C4orf50: variants seen among roughly 807,000 people sequenced by gnomAD.
C4orf50 encodes uncharacterized protein C4orf50.
A neutral mutation model predicts 77.2 loss-of-function variants in C4orf50; 80 were observed. The ratio of observed to expected loss-of-function variants is 1.04; its 90% CI spans 0.87 to 1.25. The LOEUF (loss-of-function observed/expected upper bound fraction) is 1.25. Ranked by LOEUF, C4orf50 falls within the 50% of genes most tolerant of loss-of-function variation. The pLI is 0.00. For missense variants in C4orf50, 1,257 were observed against 1,152.9 expected, an observed-to-expected ratio of 1.09 and a Z score of -1.31; for synonymous variants, 532 against 465.3, an observed-to-expected ratio of 1.14 and a Z score of -1.84.
intron 24 of C4orf50, among the ~76,000 whole-genome samples, chr4:6,010,861 C>A (rs1205664141): frequency 6.6e-6 from 1 of 152,220 alleles, no homozygotes; most frequent in Non-Finnish European, 1.5e-5. Context: ...CAGATAGTGT[C>A]ATTTAAATAC....
chr4:5,988,662 G>A lies in C4orf50; in HGVS notation c.3384C>T (p.His1128=), dbSNP rs113587573. Residue 1128 remains histidine (H), a synonymous_variant, in exon 28 of 34, where the codon CAC becomes CAT. Coordinates refer to ENST00000531445, the Ensembl canonical transcript of C4orf50. ...TCACCTGCACCTCTTTGTCTAGAGCGTGCATCTTGGCTTTTCCCTGGAGGT... is the reference window on the plus strand; with the variant it reads ...TCACCTGCACCTCTTTGTCTAGAGCATGCATCTTGGCTTTTCCCTGGAGGT... 585 of 1,536,066 alleles carry A rather than the reference G, an allele frequency of 3.8e-4. 4 individuals are homozygous for A. The African/African-American group carries it at 5.9e-3, about 15-fold the overall frequency.
intron 7 of C4orf50, among the ~76,000 whole-genome samples, chr4:5,924,501 G>T (rs1481587646): frequency 6.6e-6 from 1 of 152,188 alleles, no homozygotes; most frequent in Non-Finnish European, 1.5e-5. Context: ...AGGCCAGACG[G>T]TTTGTTGGAG....
At position 6,018,373 on chromosome 4, in the gene C4orf50, G is replaced by A. The variant is rs1389962526; in HGVS notation, c.59C>T (p.Pro20Leu). 1 of 398,836 alleles carries A rather than the reference G, an allele frequency of 2.5e-6. No individual in the cohort carries two copies. The highest frequency in any genetic ancestry group is 4.4e-6 in the Non-Finnish European group (1 of 226,080). 24.7% of individuals were successfully genotyped at this position (398,836 alleles called of 1,614,324 possible). A position where few individuals can be genotyped will look rare whatever the true frequency, so the allele number is the denominator to read the frequency against. ...CATTATGTCGAACCCCTCACTGCTG[G>A]GGGCTCTGATGACGTAGCTGAAACT... Residue 20 changes from proline (P) to leucine (L), a missense_variant, in exon 23 of 34, where the codon CCC (proline) becomes CTC (leucine). Coordinates refer to ENST00000531445, the Ensembl canonical transcript of C4orf50. The surrounding 1 kb of genome is among the most constrained non-coding windows in gnomAD (Gnocchi z 5.1).
At position 5,970,955 on chromosome 4, in the gene C4orf50, G is replaced by A. The variant is rs989096800; in HGVS notation, c.4104+2704C>T. 1.3e-5 allele frequency among the ~76,000 whole-genome samples: 2 copies of A among 152,132 alleles called. No homozygotes were observed. ...CCATGACTTGGCTGGATAAATGAAGGCAGCCTGTCCAGTTGGGACCCTAGC... is the reference window on the plus strand; with the variant it reads ...CCATGACTTGGCTGGATAAATGAAGACAGCCTGTCCAGTTGGGACCCTAGC... On this transcript the variant is annotated intron_variant, in intron 31 of 33. Transcript: ENST00000531445. This position sits in a 1 kb window ranked among gnomAD's most constrained non-coding sequence, Gnocchi z 4.3.
At chr4:5,964,823 G>GA (rs1719477049) in intron 33 of C4orf50, among the ~76,000 whole-genome samples, 1 of 146,388 alleles carries the variant, frequency 6.8e-6, no homozygotes, top group Admixed American at 6.7e-5. Flanking sequence ...GATTTGACCA[G>GA]AAACAAACAT....
rs990646618 is a variant in C4orf50 at position 5,932,593 on chromosome 4, G to A, written c.*2474+24308C>T. ...TGCAACTACAGGTGCATGCAACCAC[G>A]CCCAGCTAATTTTTATTTTTTAATT... On this transcript the variant is annotated intron_variant, in intron 7 of 7. Coordinates refer to the C4orf50 transcript ENST00000324058. The surrounding 1 kb of genome is among the most constrained non-coding windows in gnomAD (Gnocchi z 4.2). 1.8e-4 allele frequency among the ~76,000 whole-genome samples: 27 copies of A among 152,068 alleles called. No individual in the cohort carries two copies. Among genetic ancestry groups the A allele is most frequent in the South Asian group, 2.1e-4 (1 of 4,822 alleles).
chr4:6,013,440 A>T (rs1722561023), intron 23 of C4orf50, among the ~76,000 whole-genome samples: 1 of 152,242 alleles, frequency 6.6e-6, no homozygotes, highest in Admixed American at 6.5e-5. Flanking sequence ...TTCTGATACG[A>T]TTCCTAATCT....
intron 29 of C4orf50, among the ~76,000 whole-genome samples, chr4:5,976,460 A>T (rs1490886928): frequency 7.7e-5 from 6 of 78,200 alleles, no homozygotes; most frequent in African/African-American, 2.2e-4. Flanking sequence ...TGTCTCGGAA[A>T]AAAAAAAAAA....
At chr4:6,012,786 C>T (rs534671763) in intron 23 of C4orf50, among the ~76,000 whole-genome samples, 84 of 152,308 alleles carry the variant, frequency 5.5e-4, no homozygotes, top group African/African-American at 1.5e-3. Context: ...CCCAGACCCA[C>T]GGGGAGAGGA....
chr4:6,018,451 GC>G lies in C4orf50; in HGVS notation c.-21del. ...CTCCATCTCAGAAATATTTCATGGG[GC>G]AAGACTTAATAATAAAATTAAGTGA... On this transcript the variant is annotated 5_prime_UTR_variant, in exon 23 of 34. Coordinates refer to ENST00000531445, the Ensembl canonical transcript of C4orf50. The surrounding 1 kb of genome is among the most constrained non-coding windows in gnomAD (Gnocchi z 5.1). 1 of 398,934 alleles carries G rather than the reference GC, an allele frequency of 2.5e-6. No individual in the cohort carries two copies. Among genetic ancestry groups the G allele is most frequent in the Non-Finnish European group, 4.4e-6 (1 of 226,068 alleles). The allele number at this position is 398,934 out of a possible 1,614,324, so 24.7% of individuals were successfully genotyped here. A position where few individuals can be genotyped will look rare whatever the true frequency, so the allele number is the denominator to read the frequency against.
intron 7 of C4orf50, chr4:5,902,975 G>A (rs1051570827): frequency 3.3e-5 from 5 of 152,256 alleles, no homozygotes; most frequent in Non-Finnish European, 7.3e-5. Flanking sequence ...TTCCTGGCCT[G>A]TGAGACCTCG....
chr4:5,999,528 A>G (rs2108799812), intron 25 of C4orf50, among the ~76,000 whole-genome samples: 1 of 152,316 alleles, frequency 6.6e-6, no homozygotes, highest in East Asian at 1.9e-4. Context: ...ACTTCCCAGC[A>G]TTGCCACTGT....
At chr4:6,014,376 C>T (rs1157354939) in intron 23 of C4orf50, among the ~76,000 whole-genome samples, 2 of 151,862 alleles carry the variant, frequency 1.3e-5, no homozygotes, top group South Asian at 2.1e-4. Context: ...AACAAGTACT[C>T]GGTAAGTGCT....
intron 23 of C4orf50, among the ~76,000 whole-genome samples, chr4:6,014,151 T>C (rs1251156854): frequency 6.6e-6 from 1 of 152,052 alleles, no homozygotes; most frequent in Non-Finnish European, 1.5e-5. Context: ...TACAGGCATG[T>C]GCCACCACGC....
At chr4:5,960,823 T>C (rs1016120360) in intron 33 of C4orf50, among the ~76,000 whole-genome samples, 1 of 152,184 alleles carries the variant, frequency 6.6e-6, no homozygotes, top group African/African-American at 2.4e-5. Context: ...GGCTGACTAA[T>C]GTGCGCATCA....
intron 23 of C4orf50, 79 bp from the exon 2 acceptor site, chr4:6,012,047 AATT>A (rs1367444857): frequency 7.5e-6 from 3 of 398,338 alleles, no homozygotes; most frequent in Non-Finnish European, 1.3e-5. Context: ...ACCAGGGCCA[AATT>A]ATTATTATTA....
At chr4:5,969,852 C>G (rs1476415276) in intron 31 of C4orf50, among the ~76,000 whole-genome samples, 1 of 152,086 alleles carries the variant, frequency 6.6e-6, no homozygotes, top group Admixed American at 6.5e-5. Context: ...CAGGAAACTA[C>G]CCAGCTAGGA....
At chr4:5,969,782 A>G (rs905599382) in intron 31 of C4orf50, among the ~76,000 whole-genome samples, 1 of 152,136 alleles carries the variant, frequency 6.6e-6, no homozygotes, top group African/African-American at 2.4e-5. Context: ...AGTTCATGAC[A>G]TGGGTCATTA....
In C4orf50 at chr4:5,970,040, C is replaced by A. The variant is rs4575945; in HGVS notation, c.4105-2578G>T. On this transcript the variant is annotated intron_variant, in intron 31 of 33. Coordinates refer to ENST00000531445, the Ensembl canonical transcript of C4orf50. The surrounding 1 kb of genome is among the most constrained non-coding windows in gnomAD (Gnocchi z 4.3). ...CCTTTGGTACCCGGGCCTCTGCCTCCAAGGTCTCAGGGACGGGGAAAGGGG... is the reference window on the plus strand; with the variant it reads ...CCTTTGGTACCCGGGCCTCTGCCTCAAAGGTCTCAGGGACGGGGAAAGGGG... 5.9e-5 allele frequency among the ~76,000 whole-genome samples: 9 copies of A among 151,846 alleles called. No individual in the cohort carries two copies. Among genetic ancestry groups the A allele is most frequent in the Non-Finnish European group, 1.3e-4 (9 of 67,946 alleles).
Sources: allele counts gnomAD v4.1 joint callset (sites outside exome capture counted in the v4.1 genomes callset), GRCh38; gene constraint gnomAD v4.1.1; non-coding constraint Gnocchi (gnomAD v3.1); transcripts MANE v1.5; gene names NCBI Gene and HGNC (gene_info 2026-07-23, HGNC 2026-07-21).